Variants in CSMD1 observed in about 807,000 individuals in gnomAD.
The protein encoded by CSMD1 is CUB and Sushi multiple domains 1.
Under a neutral mutation model 417.5 loss-of-function variants are expected in CSMD1, and 213 were observed. That is an observed-to-expected ratio of 0.51 (90% CI 0.46 to 0.57). The LOEUF (loss-of-function observed/expected upper bound fraction) is 0.57, where lower values mean the gene tolerates loss of function less well. CSMD1 is among the 20% of genes least tolerant of loss of function. The probability of loss-of-function intolerance (pLI) is 0.00; values close to 1 mark genes in which losing one functional copy is unlikely to be tolerated. For synonymous variants in CSMD1, 2,862 were observed against 1,736.8 expected, an observed-to-expected ratio of 1.65 and a Z score of -16.11; for missense variants, 6,923 against 4,529.7, an observed-to-expected ratio of 1.53 and a Z score of -15.17.
At chr8:4,403,798 G>C (rs1163086955) in intron 3 of CSMD1, among the ~76,000 whole-genome samples, 3 of 152,070 alleles carry the variant, frequency 2.0e-5, no homozygotes, top group Non-Finnish European at 4.4e-5. Flanking sequence ...CTGGACTTCA[G>C]CTTACATTTC....
chr8:3,217,957 T>C (rs1797976179), intron 29 of CSMD1, among the ~76,000 whole-genome samples: 1 of 152,228 alleles, frequency 6.6e-6, no homozygotes, highest in Non-Finnish European at 1.5e-5. Flanking sequence ...TTTTGTTAAG[T>C]CCTCTTCCCT....
intron 5 of CSMD1, among the ~76,000 whole-genome samples, chr8:3,939,742 T>C (rs1310427652): frequency 2.0e-5 from 3 of 152,074 alleles, no homozygotes; most frequent in African/African-American, 4.8e-5. Flanking sequence ...CTGGAGACCA[T>C]TAGTCTAAGT....
chr8:3,188,130 C>CAT lies in CSMD1; in HGVS notation c.5524-167_5524-166dup, dbSNP rs575274059. 5.3e-3 allele frequency among the ~76,000 whole-genome samples: 763 copies of CAT among 143,494 alleles called. 4 individuals carry two copies. Among genetic ancestry groups the CAT allele is most frequent in the African/African-American group, 0.018 (694 of 38,778 alleles). 94.1% of individuals were successfully genotyped at this position (143,494 alleles called of 152,430 possible). On this transcript the variant is annotated intron_variant, in intron 35 of 69. Coordinates refer to ENST00000635120, the MANE Select transcript of CSMD1 (RefSeq NM_033225.6). Reference sequence around the variant, plus strand: ...TACACCTTAATAATGCCTCCAATGCCATATATATATACATATACACCTTAA... The same window carrying CAT: ...TACACCTTAATAATGCCTCCAATGCCATATATATATATACATATACACCTTAA...
At chr8:2,947,005 G>A (rs1024999015) in intron 68 of CSMD1, among the ~76,000 whole-genome samples, 11 of 152,070 alleles carry the variant, frequency 7.2e-5, no homozygotes, top group African/African-American at 2.4e-4. Context: ...TGGGCTTATC[G>A]CCATTTGCAT....
At chr8:3,399,896 T>G (rs1041470237) in intron 15 of CSMD1, among the ~76,000 whole-genome samples, 1 of 152,210 alleles carries the variant, frequency 6.6e-6, no homozygotes, top group Admixed American at 6.5e-5. Context: ...TAAGCAAATG[T>G]AAAATGACCT....
chr8:3,893,950 G>A (rs1807170681), intron 5 of CSMD1, among the ~76,000 whole-genome samples: 3 of 151,700 alleles, frequency 2.0e-5, no homozygotes, highest in South Asian at 2.1e-4. Context: ...TGCACCCAGA[G>A]GACCACCCAG....
At chr8:3,536,648 C>T (rs988742481) in intron 10 of CSMD1, among the ~76,000 whole-genome samples, 10 of 152,168 alleles carry the variant, frequency 6.6e-5, no homozygotes, top group African/African-American at 2.4e-4. Context: ...TCACTACCAT[C>T]TAGTGGCAGT....
chr8:4,441,771 C>G (rs546938720), intron 2 of CSMD1, among the ~76,000 whole-genome samples: 2 of 152,070 alleles, frequency 1.3e-5, no homozygotes, highest in African/African-American at 4.8e-5. Flanking sequence ...ATTTGACTGA[C>G]TAATCTTGGG....
At chr8:3,220,754 C>T (rs917948185) in intron 28 of CSMD1, among the ~76,000 whole-genome samples, 1 of 152,128 alleles carries the variant, frequency 6.6e-6, no homozygotes, top group African/African-American at 2.4e-5. Context: ...TCGCTTGAAC[C>T]CGGGAAGCGG....
intron 3 of CSMD1, among the ~76,000 whole-genome samples, chr8:4,138,655 A>G (rs371047828): frequency 1.1e-3 from 166 of 152,332 alleles, no homozygotes; most frequent in African/African-American, 3.8e-3. Context: ...TTGACTTTTC[A>G]AAGTATTATT....
Position 3,442,880 on chromosome 8 carries a change from C to G in CSMD1, c.1561+25832G>C, listed in dbSNP as rs138463818. ...TGGTTTTGGCCTCAGAATATTATAA[C>G]TTCACACATTACTTGTGAAGTATTC... On this transcript the variant is annotated intron_variant, in intron 12 of 69. Coordinates refer to ENST00000635120, the MANE Select transcript of CSMD1 (RefSeq NM_033225.6). Among the ~76,000 whole-genome samples, 1,171 of 152,126 alleles carry G rather than the reference C, an allele frequency of 7.7e-3. 15 individuals carry two copies. The highest frequency in any genetic ancestry group is 0.027 in the African/African-American group (1,108 of 41,498).
intron 1 of CSMD1, among the ~76,000 whole-genome samples, chr8:4,654,096 G>C (rs1309842494): frequency 6.6e-6 from 1 of 151,964 alleles, no homozygotes; most frequent in Non-Finnish European, 1.5e-5. Context: ...TTCTTTCCCG[G>C]TGCAAACCAG....
At chr8:3,978,971 C>T (rs1478565730) in intron 5 of CSMD1, among the ~76,000 whole-genome samples, 1 of 152,158 alleles carries the variant, frequency 6.6e-6, no homozygotes, top group Non-Finnish European at 1.5e-5. Flanking sequence ...ACACTGCCTC[C>T]TAGAAGCTTG....
chr8:3,998,600 C>G (rs1011010471), intron 4 of CSMD1, among the ~76,000 whole-genome samples: 2 of 152,016 alleles, frequency 1.3e-5, no homozygotes, highest in African/African-American at 4.8e-5. Context: ...TTTCAGATAG[C>G]TATTGAGTAA....
At position 3,108,775 on chromosome 8, in the gene CSMD1, G is replaced by T. The variant is rs574646289; in HGVS notation, c.6609-27C>A. On this transcript the variant is annotated intron_variant, in intron 43 of 69. Coordinates refer to ENST00000635120, the MANE Select transcript of CSMD1 (RefSeq NM_033225.6). ...TAGGAAAGACAGAAAGAGGTGGCTG[G>T]CTAAGGATATTTACTTCTGAGTGAG... 39 of 1,586,356 alleles carry T rather than the reference G, an allele frequency of 2.5e-5. No individual in the cohort carries two copies. The South Asian group carries it at 3.8e-4, about 15-fold the overall frequency.
chr8:3,912,809 G>T (rs1808550852), intron 5 of CSMD1, among the ~76,000 whole-genome samples: 1 of 152,176 alleles, frequency 6.6e-6, no homozygotes, highest in Admixed American at 6.5e-5. Context: ...GAGTAAACAT[G>T]GTAGGATTTT....
At chr8:3,540,626 C>A (rs1230342239) in intron 10 of CSMD1, among the ~76,000 whole-genome samples, 1 of 152,104 alleles carries the variant, frequency 6.6e-6, no homozygotes, top group African/African-American at 2.4e-5. Context: ...TTTTTGCAAT[C>A]TATCCATCTG....
intron 2 of CSMD1, among the ~76,000 whole-genome samples, chr8:4,497,647 T>C (rs1802045635): frequency 6.6e-6 from 1 of 152,120 alleles, no homozygotes; most frequent in Non-Finnish European, 1.5e-5. Context: ...TGGGAACTCG[T>C]GCCCCAGTGA....
chr8:4,450,066 G>C (rs370280566), intron 2 of CSMD1, among the ~76,000 whole-genome samples: 1 of 152,110 alleles, frequency 6.6e-6, no homozygotes, highest in Non-Finnish European at 1.5e-5. Context: ...CCCGGACCAA[G>C]GACTTCCTCG....
Sources: gnomAD v4.1 joint callset for allele counts (sites outside exome capture counted in the v4.1 genomes callset) on GRCh38, gnomAD v4.1.1 for gene constraint, MANE v1.5 for transcripts, NCBI Gene and HGNC (gene_info 2026-07-23, HGNC 2026-07-21) for gene names.